The following ABTB2 variants were observed in gnomAD, a reference collection of about 807,000 sequenced individuals.
The protein encoded by ABTB2 is ankyrin repeat and BTB domain containing 2, also known as ankyrin repeat and BTB/POZ domain-containing protein 2.
Under a neutral mutation model 104.1 loss-of-function variants are expected in ABTB2, and 56 were observed. The observed-to-expected ratio is 0.54, with a 90% confidence interval of 0.43 to 0.67. The LOEUF (loss-of-function observed/expected upper bound fraction) is 0.67, where lower values mean the gene tolerates loss of function less well. Ranked by LOEUF, ABTB2 falls within the 30% of genes least tolerant of loss-of-function variation. The pLI is 0.00. For missense variants in ABTB2, 1,279 were observed against 1,407.7 expected, an observed-to-expected ratio of 0.91 and a Z score of 1.46; for synonymous variants, 606 against 608.2, an observed-to-expected ratio of 1.00 and a Z score of 0.05.
At chr11:34,344,187 G>A (rs1001713523) in intron 1 of ABTB2, among the ~76,000 whole-genome samples, 3 of 152,134 alleles carry the variant, frequency 2.0e-5, no homozygotes, top group African/African-American at 4.8e-5. Context: ...GGACACAGAC[G>A]CAAAGTCACA....
intron 1 of ABTB2, among the ~76,000 whole-genome samples, chr11:34,323,597 A>C (rs1452183021): frequency 6.6e-6 from 1 of 151,990 alleles, no homozygotes. Flanking sequence ...CCCCCTTCAT[A>C]GTCCTTCTGT....
At chr11:34,171,560 C>T (rs1169393358) in intron 4 of ABTB2, among the ~76,000 whole-genome samples, 1 of 152,118 alleles carries the variant, frequency 6.6e-6, no homozygotes. Context: ...GACAATAGAG[C>T]AAGACTCTGT....
intron 1 of ABTB2, among the ~76,000 whole-genome samples, chr11:34,259,251 T>G (rs1317757334): frequency 6.6e-6 from 1 of 152,198 alleles, no homozygotes; most frequent in African/African-American, 2.4e-5. Context: ...TGGCCTGGGC[T>G]TTTGCTAGTC....
chr11:34,333,961 G>A (rs80318837), intron 1 of ABTB2, among the ~76,000 whole-genome samples: 5 of 150,286 alleles, frequency 3.3e-5, no homozygotes, highest in African/African-American at 9.8e-5. Flanking sequence ...CATGACTGAT[G>A]TGTCTCAAAC....
intron 1 of ABTB2, among the ~76,000 whole-genome samples, chr11:34,303,542 G>T (rs1854732918): frequency 6.7e-6 from 1 of 148,746 alleles, no homozygotes; most frequent in African/African-American, 2.5e-5. Flanking sequence ...CCCTTTATAG[G>T]TTAGCCACAC....
intron 1 of ABTB2, among the ~76,000 whole-genome samples, chr11:34,299,497 A>T (rs1424763533): frequency 1.3e-5 from 2 of 152,240 alleles, no homozygotes; most frequent in African/African-American, 2.4e-5. Flanking sequence ...CAATGAAGGC[A>T]GTTGTTTGCA....
At chr11:34,191,880 G>C (rs906711516) in intron 3 of ABTB2, among the ~76,000 whole-genome samples, 5 of 152,138 alleles carry the variant, frequency 3.3e-5, no homozygotes, top group Non-Finnish European at 5.9e-5. Flanking sequence ...GTCTCTCTGG[G>C]GTGCCTTGCT....
At chr11:34,351,930 C>T (rs920959725) in intron 1 of ABTB2, among the ~76,000 whole-genome samples, 5 of 143,704 alleles carry the variant, frequency 3.5e-5, no homozygotes, top group African/African-American at 8.6e-5. Flanking sequence ...CTCAGGCGTG[C>T]GAGAAAAAAA....
At chr11:34,178,277 G>C (rs1388181745) in intron 3 of ABTB2, among the ~76,000 whole-genome samples, 1 of 152,150 alleles carries the variant, frequency 6.6e-6, no homozygotes, top group East Asian at 1.9e-4. Context: ...CACCTCCCCA[G>C]CCTGGGATCT....
intron 3 of ABTB2, among the ~76,000 whole-genome samples, chr11:34,180,859 A>T (rs2957493): frequency 0.97 from 147,856 of 152,302 alleles, 71,934 homozygotes; most frequent in East Asian, 1. Context: ...GAAAGCTATT[A>T]TTCCCCCCTT....
intron 3 of ABTB2, among the ~76,000 whole-genome samples, chr11:34,188,481 C>T (rs1853131129): frequency 1.3e-5 from 2 of 152,124 alleles, no homozygotes; most frequent in Admixed American, 6.5e-5. Context: ...CTGTGTGCAC[C>T]GTAGACTGTG....
intron 1 of ABTB2, among the ~76,000 whole-genome samples, chr11:34,221,128 G>A (rs187755880): frequency 3.3e-5 from 5 of 152,132 alleles, no homozygotes; most frequent in Admixed American, 2.0e-4. Context: ...GCGCCACCAC[G>A]CCCGGCTAAT....
At chr11:34,331,114 A>G (rs771004644) in intron 1 of ABTB2, among the ~76,000 whole-genome samples, 4 of 152,190 alleles carry the variant, frequency 2.6e-5, no homozygotes, top group Non-Finnish European at 1.5e-5. Flanking sequence ...TGCTTGCAGG[A>G]AAGAGACAGC....
At chr11:34,185,688 G>T (rs543741122) in intron 3 of ABTB2, among the ~76,000 whole-genome samples, 13 of 152,144 alleles carry the variant, frequency 8.5e-5, no homozygotes, top group South Asian at 4.1e-4. Context: ...AGTGGGGTTG[G>T]GGGGAGAGGT....
At chr11:34,158,477 A>G (rs1852661316) in intron 14 of ABTB2, among the ~76,000 whole-genome samples, 1 of 152,112 alleles carries the variant, frequency 6.6e-6, no homozygotes, top group East Asian at 1.9e-4. Flanking sequence ...TGGGGTTTGC[A>G]ATCTCTCCTA....
At chr11:34,191,538 G>A (rs12807805) in intron 3 of ABTB2, among the ~76,000 whole-genome samples, 41,175 of 152,034 alleles carry the variant, frequency 0.27, 6,807 homozygotes, top group Non-Finnish European at 0.38. Flanking sequence ...CCCTGGTCTC[G>A]TCTCTCCTGA....
intron 1 of ABTB2, among the ~76,000 whole-genome samples, chr11:34,301,290 C>T (rs565369613): frequency 5.6e-4 from 86 of 152,250 alleles, no homozygotes; most frequent in South Asian, 4.8e-3. Context: ...CAAAGAACAT[C>T]ATCTTGCCAT....
At chr11:34,251,480 C>A (rs565886358) in intron 1 of ABTB2, among the ~76,000 whole-genome samples, 5 of 152,336 alleles carry the variant, frequency 3.3e-5, no homozygotes, top group African/African-American at 1.2e-4. Context: ...GTTAAAGGGA[C>A]CCTGTCCTCC....
chr11:34,223,586 G>A (rs1853652603), intron 1 of ABTB2, among the ~76,000 whole-genome samples: 1 of 152,184 alleles, frequency 6.6e-6, no homozygotes, highest in South Asian at 2.1e-4. Flanking sequence ...GGTGGCCCAT[G>A]CTCTAGCTCT....
Sources: gnomAD v4.1 joint callset for allele counts (sites outside exome capture counted in the v4.1 genomes callset) on GRCh38, gnomAD v4.1.1 for gene constraint, MANE v1.5 for transcripts, NCBI Gene and HGNC (gene_info 2026-07-23, HGNC 2026-07-21) for gene names.